PPP6R2: variants seen among roughly 807,000 people sequenced by gnomAD.
PPP6R2 encodes the protein serine/threonine-protein phosphatase 6 regulatory subunit 2.
PPP6R2 carries 62 observed loss-of-function variants against 100.2 expected under a neutral mutation model. That is an observed-to-expected ratio of 0.62 (90% CI 0.50 to 0.76). The LOEUF (loss-of-function observed/expected upper bound fraction) is 0.76. Among genes scored for constraint, PPP6R2 ranks in the 30% least tolerant of loss-of-function variants. The probability of loss-of-function intolerance (pLI) is 0.00; values close to 1 mark genes in which losing one functional copy is unlikely to be tolerated. For missense variants in PPP6R2, 1,142 were observed against 1,276.3 expected (o/e 0.89, Z 1.60); for synonymous variants, 525 against 514.7 (o/e 1.02, Z -0.27).
chr22:50,431,474 T>G lies in PPP6R2; in HGVS notation c.1335+92T>G. On this transcript the variant is annotated intron_variant, in intron 11 of 23. Coordinates refer to ENST00000612753, the MANE Select transcript of PPP6R2 (RefSeq NM_001242898.2). This position sits in a 1 kb window ranked among gnomAD's most constrained non-coding sequence, Gnocchi z 4.8. ...CGCTGACGTGTGCCGGACCTCACTG[T>G]GCAGCTGACACGGGGGCAGGGCTTT... 1 of 1,182,900 alleles carries G rather than the reference T, an allele frequency of 8.5e-7. No homozygotes were observed. Among genetic ancestry groups the G allele is most frequent in the Non-Finnish European group, 1.2e-6 (1 of 836,844 alleles). The allele number at this position is 1,182,900 out of a possible 1,614,324, so 73.3% of individuals were successfully genotyped here.
At chr22:50,347,187 C>T (rs1164736122) in intron 1 of PPP6R2, among the ~76,000 whole-genome samples, 3 of 151,994 alleles carry the variant, frequency 2.0e-5, no homozygotes, top group African/African-American at 7.3e-5. Context: ...GTTCCTGTCC[C>T]CTTTCATGCT....
At chr22:50,426,284 C>G (rs1041880201) in intron 10 of PPP6R2, among the ~76,000 whole-genome samples, 3 of 152,196 alleles carry the variant, frequency 2.0e-5, no homozygotes, top group African/African-American at 7.2e-5. Flanking sequence ...CTTTGACACA[C>G]AAGTTTTAAA....
At position 50,423,326 on chromosome 22, in the gene PPP6R2, C is replaced by A; in HGVS notation, c.973-136C>A. 9.7e-7 allele frequency: 1 copy of A among 1,028,744 alleles called. No individual in the cohort carries two copies. The highest frequency in any genetic ancestry group is 1.4e-6 in the Non-Finnish European group (1 of 714,496). The allele number at this position is 1,028,744 out of a possible 1,614,324, so 63.7% of individuals were successfully genotyped here. A position where few individuals can be genotyped will look rare whatever the true frequency, so the allele number is the denominator to read the frequency against. ...TCATTTCTTCTGGCAGACGGCCCTC[C>A]CTGAGGAACCCCCACCACATACCTC... On this transcript the variant is annotated intron_variant, in intron 9 of 23. Coordinates refer to ENST00000612753, the MANE Select transcript of PPP6R2 (RefSeq NM_001242898.2). The surrounding 1 kb of genome is among the most constrained non-coding windows in gnomAD (Gnocchi z 4.8).
At chr22:50,419,805 C>T (rs1380517889) in intron 8 of PPP6R2, among the ~76,000 whole-genome samples, 1 of 152,182 alleles carries the variant, frequency 6.6e-6, no homozygotes, top group Non-Finnish European at 1.5e-5. Flanking sequence ...GTGTGTGTGT[C>T]GCAGGGTTTC....
In PPP6R2 at chr22:50,409,453, G is replaced by A. The variant is rs2059431948; in HGVS notation, c.414+2578G>A. Among the ~76,000 whole-genome samples, 3 of 152,054 alleles carry A rather than the reference G, an allele frequency of 2.0e-5. No homozygotes were observed. In the South Asian group the frequency reaches 6.2e-4, roughly 32 times the overall value. On this transcript the variant is annotated intron_variant, in intron 4 of 23. Transcript: ENST00000612753. The stretch of plus-strand genomic sequence containing the variant: ...TGATGATGATGATTTTTTTGAGGCA[G>A]AGTCTTGCTCTGTCGCCAGGCTGAA...
Position 50,393,926 on chromosome 22 carries a change from C to G in PPP6R2, c.18C>G (p.Asp6Glu). ...CCGTCACGATGTTCTGGAAGTTTGA[C>G]TTGAACACCACGTCCCATGTTGACA... MFWKF[D>E]LNTTSHVDKL... Residue 6 changes from aspartate to glutamate, a missense_variant, in exon 3 of 24, where the codon GAC becomes GAG. This residue lies in a region of PPP6R2 where 592 missense variants were observed against 758.9 expected (regional missense o/e 0.78). Coordinates refer to ENST00000612753, the MANE Select transcript of PPP6R2 (RefSeq NM_001242898.2). 1 of 1,614,200 alleles carries G rather than the reference C, an allele frequency of 6.2e-7. No homozygotes were observed. Among genetic ancestry groups the G allele is most frequent in the Non-Finnish European group, 8.5e-7 (1 of 1,180,038 alleles).
At chr22:50,402,882 T>C (rs925270318) in intron 3 of PPP6R2, among the ~76,000 whole-genome samples, 10 of 152,226 alleles carry the variant, frequency 6.6e-5, no homozygotes, top group African/African-American at 2.4e-4. Flanking sequence ...TAGCTTGGTT[T>C]GTGCCATGTG....
At chr22:50,404,502 G>A (rs950074212) in intron 3 of PPP6R2, among the ~76,000 whole-genome samples, 2 of 151,560 alleles carry the variant, frequency 1.3e-5, no homozygotes, top group Admixed American at 6.6e-5. Context: ...GCCATCCTGC[G>A]CCTCCCGGGC....
At chr22:50,410,951 C>A (rs1469060955) in intron 4 of PPP6R2, among the ~76,000 whole-genome samples, 1 of 152,082 alleles carries the variant, frequency 6.6e-6, no homozygotes, top group Admixed American at 6.6e-5. Context: ...GCCCCCATGA[C>A]CCGCTAATTT....
chr22:50,348,121 C>T (rs1230822062), intron 1 of PPP6R2, among the ~76,000 whole-genome samples: 2 of 149,756 alleles, frequency 1.3e-5, no homozygotes, highest in South Asian at 2.1e-4. Flanking sequence ...GACTGATGTG[C>T]TTATGGTAAG....
At chr22:50,436,056 A>C (rs906704800) in intron 13 of PPP6R2, among the ~76,000 whole-genome samples, 1 of 152,216 alleles carries the variant, frequency 6.6e-6, no homozygotes, top group African/African-American at 2.4e-5. Flanking sequence ...GGAGTTCCTC[A>C]GAATGGGCTT....
At chr22:50,436,339 G>A in intron 13 of PPP6R2, 28 bp from the exon 14 acceptor site, 7 of 1,553,708 alleles carry the variant, frequency 4.5e-6, no homozygotes, top group Non-Finnish European at 6.1e-6. Context: ...GGTCTCCCAG[G>A]GCTCACCAGG....
At chr22:50,395,288 G>T (rs2056540445) in intron 3 of PPP6R2, among the ~76,000 whole-genome samples, 1 of 152,234 alleles carries the variant, frequency 6.6e-6, no homozygotes, top group African/African-American at 2.4e-5. Flanking sequence ...AGATGACACA[G>T]AGGGAGGGGG....
chr22:50,382,039 GATA>G (rs1238116123), intron 2 of PPP6R2, among the ~76,000 whole-genome samples: 1 of 152,094 alleles, frequency 6.6e-6, no homozygotes, highest in Non-Finnish European at 1.5e-5. Context: ...TTAACTAAAT[GATA>G]ATATATATTG....
Position 50,440,057 on chromosome 22 carries a change from G to A in PPP6R2, c.2374+8G>A. 1 of 1,609,572 alleles carries A rather than the reference G, an allele frequency of 6.2e-7. No homozygotes were observed. The highest frequency in any genetic ancestry group is 2.2e-5 in the East Asian group (1 of 44,852). On this transcript the variant is annotated splice_region_variant and intron_variant, in intron 21 of 23. Coordinates refer to ENST00000612753, the MANE Select transcript of PPP6R2 (RefSeq NM_001242898.2). ...AAGGCCCTGAGAAAGCCTGTGAGTA[G>A]GAGCAGTGCAGGCGGCACCCAGCCT...
At chr22:50,384,202 T>G (rs968370048) in intron 2 of PPP6R2, among the ~76,000 whole-genome samples, 3 of 152,074 alleles carry the variant, frequency 2.0e-5, no homozygotes, top group African/African-American at 7.2e-5. Context: ...AAATATTATT[T>G]TATATGAAGC....
intron 1 of PPP6R2, among the ~76,000 whole-genome samples, chr22:50,366,434 G>A (rs1224258852): frequency 6.6e-6 from 1 of 151,786 alleles, no homozygotes; most frequent in Non-Finnish European, 1.5e-5. Context: ...CTCCCCAGTA[G>A]CTGGGATTAC....
chr22:50,337,358 G>GGT, the PPP6R2 span, among the ~76,000 whole-genome samples: 1 of 132,898 alleles, frequency 7.5e-6, no homozygotes, highest in East Asian at 2.4e-4. Context: ...GTGGTGTGTG[G>GGT]GTGTGTGTGT....
chr22:50,423,391 G>A lies in PPP6R2; in HGVS notation c.973-71G>A. The A allele has an allele frequency of 6.3e-7, 1 of 1,582,676 alleles. No homozygotes were observed. The highest frequency in any genetic ancestry group is 8.7e-7 in the Non-Finnish European group (1 of 1,155,954). On this transcript the variant is annotated intron_variant, in intron 9 of 23. Coordinates refer to ENST00000612753, the MANE Select transcript of PPP6R2 (RefSeq NM_001242898.2). This position sits in a 1 kb window ranked among gnomAD's most constrained non-coding sequence, Gnocchi z 4.8. ...GGTCCCAGCCTAGAGTGATGGGCAT[G>A]AGCCCAGAGACTCCAGCAGTGGCCT...
Sources: allele counts gnomAD v4.1 joint callset (sites outside exome capture counted in the v4.1 genomes callset), GRCh38; gene constraint gnomAD v4.1.1; regional missense constraint gnomAD v4.1.1; non-coding constraint Gnocchi (gnomAD v3.1); transcripts MANE v1.5; gene names NCBI Gene and HGNC (gene_info 2026-07-23, HGNC 2026-07-21).